Variants in CMTM4 observed in about 807,000 individuals in gnomAD.
CMTM4 encodes CKLF like MARVEL transmembrane domain containing 4, also known as CKLF-like MARVEL transmembrane domain-containing protein 4.
Under a neutral mutation model 19.0 loss-of-function variants are expected in CMTM4, and 8 were observed. The observed-to-expected ratio is 0.42, with a 90% confidence interval of 0.25 to 0.76. CMTM4 has a LOEUF of 0.76. Ranked by LOEUF, CMTM4 falls within the 30% of genes least tolerant of loss-of-function variation. The probability of loss-of-function intolerance (pLI) is 0.27; values close to 1 mark genes in which losing one functional copy is unlikely to be tolerated. For missense variants in CMTM4, 228 were observed against 290.2 expected, an observed-to-expected ratio of 0.79 and a Z score of 1.56; for synonymous variants, 106 against 121.1, an observed-to-expected ratio of 0.88 and a Z score of 0.82.
chr16:66,657,389 C>T (rs892160390), intron 1 of CMTM4, among the ~76,000 whole-genome samples: 1 of 152,106 alleles, frequency 6.6e-6, no homozygotes, highest in African/African-American at 2.4e-5. Context: ...CCGCAGCCAG[C>T]CCTAATTTCC....
chr16:66,667,617 C>T (rs755244004), intron 1 of CMTM4, among the ~76,000 whole-genome samples: 3 of 152,148 alleles, frequency 2.0e-5, no homozygotes, highest in South Asian at 2.1e-4. Flanking sequence ...GGGCCGAGTG[C>T]GGTGGCTCAT....
intron 1 of CMTM4, among the ~76,000 whole-genome samples, chr16:66,694,772 T>C (rs2017201918): frequency 6.6e-6 from 1 of 151,686 alleles, no homozygotes; most frequent in African/African-American, 2.4e-5. Context: ...TACATTCTCT[T>C]TGCTAACAGC....
chr16:66,611,842 G>C (rs891784665), downstream of CMTM4, among the ~76,000 whole-genome samples: 2 of 152,154 alleles, frequency 1.3e-5, no homozygotes, highest in South Asian at 4.1e-4. Flanking sequence ...AACAAGGATT[G>C]GGGGAGGGGG....
intron 1 of CMTM4, among the ~76,000 whole-genome samples, chr16:66,679,701 G>C (rs2016872409): frequency 6.6e-6 from 1 of 151,812 alleles, no homozygotes. Flanking sequence ...CTGGGTGCCT[G>C]TAATCCCAGC....
At chr16:66,671,591 C>T (rs936585912) in intron 1 of CMTM4, among the ~76,000 whole-genome samples, 1 of 152,140 alleles carries the variant, frequency 6.6e-6, no homozygotes, top group African/African-American at 2.4e-5. Flanking sequence ...AAAGTGACTC[C>T]AGACTGTTGC....
chr16:66,672,781 TTGTTTTG>T (rs1270912174), intron 1 of CMTM4, among the ~76,000 whole-genome samples: 2 of 143,026 alleles, frequency 1.4e-5, no homozygotes, highest in Admixed American at 7.1e-5. Context: ...AGCTAGTTTT[TTGTTTTG>T]TTTTTTTTTT....
At chr16:66,643,041 C>A (rs1368875131) in intron 1 of CMTM4, among the ~76,000 whole-genome samples, 2 of 152,158 alleles carry the variant, frequency 1.3e-5, no homozygotes, top group Admixed American at 1.3e-4. Context: ...CTGCTTCAGC[C>A]TCCTGAGTAG....
At chr16:66,604,639 G>A in the CMTM4 span, 5 of 476,882 alleles carry the variant, frequency 1.0e-5, no homozygotes, top group East Asian at 4.3e-5. Context: ...GGGGAGGGGC[G>A]GGCTGGAGGA....
chr16:66,609,173 C>T, the CMTM4 span, among the ~76,000 whole-genome samples: 1 of 152,220 alleles, frequency 6.6e-6, no homozygotes, highest in African/African-American at 2.4e-5. This position sits in a 1 kb window ranked among gnomAD's most constrained non-coding sequence, Gnocchi z 4.4. Flanking sequence ...GGGCAGGCTG[C>T]ACCCTGATCC....
rs1365574528 is a variant in CMTM4 at position 66,617,707 on chromosome 16, G to C, written c.*4351C>G. 1.6e-5 allele frequency: 17 copies of C among 1,045,444 alleles called. No homozygotes were observed. The highest frequency in any genetic ancestry group is 2.0e-5 in the Non-Finnish European group (17 of 867,204). 64.8% of individuals were successfully genotyped at this position (1,045,444 alleles called of 1,614,324 possible). On this transcript the variant is annotated 3_prime_UTR_variant, in exon 4 of 4. Coordinates refer to ENST00000394106, the MANE Select transcript of CMTM4 (RefSeq NM_181521.3). ...ACACAAGATTCTACAAAGCGCCAGG[G>C]AAGTTTACAAAGCTAAAAGCTGAGG...
intron 1 of CMTM4, among the ~76,000 whole-genome samples, chr16:66,642,608 C>T (rs1287719481): frequency 2.6e-5 from 4 of 152,070 alleles, no homozygotes; most frequent in Admixed American, 2.6e-4. Context: ...CCCAGCTAGG[C>T]AGGAGGCTGA....
At position 66,696,337 on chromosome 16, in the gene CMTM4, T is replaced by C; in HGVS notation, c.186+3A>G. 1 of 1,397,596 alleles carries C rather than the reference T, an allele frequency of 7.2e-7. No individual in the cohort carries two copies. The highest frequency in any genetic ancestry group is 9.3e-7 in the Non-Finnish European group (1 of 1,076,408). 86.6% of individuals were successfully genotyped at this position (1,397,596 alleles called of 1,614,324 possible). The stretch of plus-strand genomic sequence containing the variant: ...GGCACCTGGGGCCCCGCCCGGCACC[T>C]ACCACTTGGGCGACCTTGAGGCGGC... On this transcript the variant is annotated splice_donor_region_variant and intron_variant, in intron 1 of 3. Transcript: ENST00000394106. The surrounding 1 kb of genome is among the most constrained non-coding windows in gnomAD (Gnocchi z 4.3).
intron 2 of CMTM4, among the ~76,000 whole-genome samples, chr16:66,624,880 A>T (rs976743261): frequency 6.6e-6 from 1 of 152,394 alleles, no homozygotes. Flanking sequence ...GCTCAGACGC[A>T]TCTGCCAGCA....
intron 1 of CMTM4, among the ~76,000 whole-genome samples, chr16:66,683,543 G>A (rs143598377): frequency 0.019 from 2,944 of 151,178 alleles, 68 homozygotes; most frequent in South Asian, 0.11. Context: ...CGCCTGCCTC[G>A]GTCTCCCAAA....
chr16:66,658,151 G>A (rs1460725412), intron 1 of CMTM4, among the ~76,000 whole-genome samples: 3 of 151,792 alleles, frequency 2.0e-5, no homozygotes, highest in African/African-American at 7.3e-5. Flanking sequence ...GATCACTTGA[G>A]CTCAGGAGGT....
intron 1 of CMTM4, among the ~76,000 whole-genome samples, chr16:66,686,869 T>C (rs1353878792): frequency 6.6e-6 from 1 of 152,188 alleles, no homozygotes; most frequent in Non-Finnish European, 1.5e-5. Context: ...TGAGGACATT[T>C]ATTGACGCAT....
intron 1 of CMTM4, among the ~76,000 whole-genome samples, chr16:66,683,192 T>TATAG (rs776856136): frequency 2.1e-5 from 1 of 48,540 alleles, no homozygotes; most frequent in Admixed American, 2.3e-4. Context: ...TATATATATA[T>TATAG]ACATATATAT....
chr16:66,617,959 G>C lies in CMTM4; in HGVS notation c.*4099C>G, dbSNP rs774164645. Reference sequence around the variant, plus strand: ...AAAGTACACGTTTCCAAGACAGCCTGAGCTGTCTAGTGCTGATAGCAGACA... The same window carrying C: ...AAAGTACACGTTTCCAAGACAGCCTCAGCTGTCTAGTGCTGATAGCAGACA... On this transcript the variant is annotated 3_prime_UTR_variant, in exon 4 of 4. Transcript: ENST00000394106. The C allele has an allele frequency of 1.0e-6, 1 of 986,780 alleles. No individual in the cohort carries two copies. The highest frequency in any genetic ancestry group is 1.2e-6 in the Non-Finnish European group (1 of 830,838). 61.1% of individuals were successfully genotyped at this position (986,780 alleles called of 1,614,324 possible).
chr16:66,661,439 CTG>C (rs2016497298), intron 1 of CMTM4, among the ~76,000 whole-genome samples: 1 of 152,208 alleles, frequency 6.6e-6, no homozygotes, highest in African/African-American at 2.4e-5. Flanking sequence ...AAGTAAAAGA[CTG>C]TCATTTTTAG....
Sources: allele counts gnomAD v4.1 joint callset (sites outside exome capture counted in the v4.1 genomes callset), GRCh38; gene constraint gnomAD v4.1.1; non-coding constraint Gnocchi (gnomAD v3.1); transcripts MANE v1.5; gene names NCBI Gene and HGNC (gene_info 2026-07-23, HGNC 2026-07-21).